ABTB2: variants seen among roughly 807,000 people sequenced by gnomAD.
ABTB2 encodes the protein ankyrin repeat and BTB domain containing 2, also known as ankyrin repeat and BTB/POZ domain-containing protein 2.
A neutral mutation model predicts 104.1 loss-of-function variants in ABTB2; 56 were observed. The ratio of observed to expected loss-of-function variants is 0.54; its 90% CI spans 0.43 to 0.67. The LOEUF is 0.67. Ranked by LOEUF, ABTB2 falls within the 30% of genes least tolerant of loss-of-function variation. The probability of loss-of-function intolerance (pLI) is 0.00; values close to 1 mark genes in which losing one functional copy is unlikely to be tolerated. For synonymous variants in ABTB2, 606 were observed against 608.2 expected (o/e 1.00, Z 0.05); for missense variants, 1,279 against 1,407.7 (o/e 0.91, Z 1.46).
chr11:34,289,550 G>A (rs1426695939), intron 1 of ABTB2, among the ~76,000 whole-genome samples: 2 of 152,136 alleles, frequency 1.3e-5, no homozygotes. Context: ...AAGCAGCAGA[G>A]TTGGAATTTA....
chr11:34,283,075 AT>A (rs34343413), intron 1 of ABTB2, among the ~76,000 whole-genome samples: 27,594 of 139,026 alleles, frequency 0.2, 3,559 homozygotes, highest in African/African-American at 0.4. Context: ...TGCCCAGCTA[AT>A]TTTTTTTTTT....
intron 1 of ABTB2, among the ~76,000 whole-genome samples, chr11:34,248,091 T>G (rs1236171699): frequency 1.6e-5 from 2 of 124,236 alleles, no homozygotes; most frequent in Non-Finnish European, 3.2e-5. Flanking sequence ...ATCTATAATT[T>G]TTCTTAAAAA....
rs528262861 is a variant in ABTB2, at chr11:34,337,058, A to G, written c.883+19643T>C. Among the ~76,000 whole-genome samples, 3 of 152,294 alleles carry G rather than the reference A, an allele frequency of 2.0e-5. No homozygotes were observed. The South Asian group carries it at 6.2e-4, about 32-fold the overall frequency. ...GTCCAGCTTCATACCCACACCGTCA[A>G]TCACAAGGCCCTACTGCTTCTCAGT... On this transcript the variant is annotated intron_variant, in intron 1 of 16. Transcript: ENST00000435224.
Position 34,303,676 on chromosome 11 carries a change from T to C in ABTB2, c.883+53025A>G, listed in dbSNP as rs886809811. 2.9e-5 allele frequency among the ~76,000 whole-genome samples: 4 copies of C among 137,998 alleles called. No individual in the cohort carries two copies. In the South Asian group the frequency reaches 7.2e-4, roughly 25 times the overall value. The allele number at this position is 137,998 out of a possible 152,430, so 90.5% of individuals were successfully genotyped here. A position where few individuals can be genotyped will look rare whatever the true frequency, so the allele number is the denominator to read the frequency against. On this transcript the variant is annotated intron_variant, in intron 1 of 16. Transcript: ENST00000435224. ...TTTTTTTTTTGAGACAGAGTCTCGC[T>C]CTGTAGGCCAGGCTGGAGTGCAGTG...
intron 1 of ABTB2, among the ~76,000 whole-genome samples, chr11:34,213,952 C>T (rs1355543971): frequency 6.6e-6 from 1 of 152,094 alleles, no homozygotes; most frequent in Non-Finnish European, 1.5e-5. Context: ...ATTGATGTAA[C>T]ACATGAAGAA....
chr11:34,266,776 C>A (rs555151042), intron 1 of ABTB2, among the ~76,000 whole-genome samples: 3 of 152,228 alleles, frequency 2.0e-5, no homozygotes, highest in Admixed American at 6.5e-5. Flanking sequence ...CCCCCTCCCC[C>A]ACCCCCTGTG....
At chr11:34,182,503 G>GGGGGC (rs1565134538) in intron 3 of ABTB2, among the ~76,000 whole-genome samples, 1 of 139,770 alleles carries the variant, frequency 7.2e-6, no homozygotes, top group African/African-American at 2.7e-5. Flanking sequence ...TCTCTGGGGG[G>GGGGGC]GGGGGGAAAT....
intron 1 of ABTB2, among the ~76,000 whole-genome samples, chr11:34,337,232 C>CCT (rs1042603321): frequency 1.1e-4 from 16 of 152,338 alleles, no homozygotes; most frequent in African/African-American, 3.8e-4. Flanking sequence ...CGATTCTGCG[C>CCT]CTGTCTGGGG....
At chr11:34,336,505 T>C (rs888514307) in intron 1 of ABTB2, among the ~76,000 whole-genome samples, 3 of 152,000 alleles carry the variant, frequency 2.0e-5, no homozygotes, top group African/African-American at 7.3e-5. Flanking sequence ...TATCTGGGTG[T>C]GGTGACTTGT....
At position 34,161,004 on chromosome 11, in the gene ABTB2, T is replaced by G. The variant is rs761069466; in HGVS notation, c.2296A>C (p.Ser766Arg). Reference protein sequence around the residue: ...FSQSRYSVVQSLLRDFSSIRE... With the variant: ...FSQSRYSVVQRLLRDFSSIRE... Reference sequence around the variant, plus strand: ...ATGGAGCTGAAGTCCCGCAGGAGGCTCTGCACCACCGAGTACCGCGACTGC... The same window carrying G: ...ATGGAGCTGAAGTCCCGCAGGAGGCGCTGCACCACCGAGTACCGCGACTGC... The change falls in exon 11 of 17, where the codon AGC becomes CGC. Residue 766 changes from serine to arginine, a missense_variant. Physicochemically the swap from Ser to Arg is moderately radical, Grantham distance 110 (BLOSUM62 -1). Transcript: ENST00000435224. 1 of 1,613,686 alleles carries G rather than the reference T, an allele frequency of 6.2e-7. No homozygotes were observed. Among genetic ancestry groups the G allele is most frequent in the South Asian group, 1.1e-5 (1 of 91,060 alleles).
Position 34,197,355 on chromosome 11 carries a change from T to C in ABTB2, c.1214A>G (p.Asp405Gly). ...ATTGTTCAAGGTCATTCTCGGGGGG[T>C]CCAGGTTGGGGTTCTCCATGGACTC... ...QMESMENPNLDPPRMTLNNER... is the reference protein window; with the variant it reads ...QMESMENPNLGPPRMTLNNER... Residue 405 changes from aspartate (D) to glycine (G), a missense_variant, in exon 3 of 17, where the codon GAC becomes GGC. Physicochemically the swap from Asp to Gly is moderately conservative, Grantham distance 94. Transcript: ENST00000435224. 1.9e-6 allele frequency: 3 copies of C among 1,613,604 alleles called. No homozygotes were observed. Among genetic ancestry groups the C allele is most frequent in the Non-Finnish European group, 2.5e-6 (3 of 1,179,904 alleles).
In ABTB2 at chr11:34,227,718, G is replaced by A. The variant is rs2473899; in HGVS notation, c.884-23028C>T. 6.0e-3 allele frequency among the ~76,000 whole-genome samples: 910 copies of A among 152,140 alleles called. 10 individuals carry two copies. Among genetic ancestry groups the A allele is most frequent in the African/African-American group, 0.02 (845 of 41,520 alleles). The stretch of plus-strand genomic sequence containing the variant: ...GGAACTGCTGGGTTGTGTGGTAATT[G>A]TAACTTTTTTTTTCTTCTTTTTTTT... On this transcript the variant is annotated intron_variant, in intron 1 of 16. Transcript: ENST00000435224.
intron 1 of ABTB2, among the ~76,000 whole-genome samples, chr11:34,236,880 C>T (rs1308727096): frequency 5.9e-5 from 9 of 152,318 alleles, no homozygotes; most frequent in South Asian, 4.1e-4. Flanking sequence ...CTCAGGGATT[C>T]GGACTCTATT....
chr11:34,182,507 G>GGGGT (rs1565134561), intron 3 of ABTB2, among the ~76,000 whole-genome samples: 2 of 137,526 alleles, frequency 1.5e-5, no homozygotes, highest in African/African-American at 5.7e-5. Context: ...TGGGGGGGGG[G>GGGGT]GGAAATTCAC....
chr11:34,220,579 G>T lies in ABTB2; in HGVS notation c.884-15889C>A, dbSNP rs76414408. 6.2e-3 allele frequency among the ~76,000 whole-genome samples: 946 copies of T among 152,348 alleles called. 12 individuals are homozygous for T. Among genetic ancestry groups the T allele is most frequent in the African/African-American group, 0.021 (872 of 41,578 alleles). On this transcript the variant is annotated intron_variant, in intron 1 of 16. Transcript: ENST00000435224. Reference sequence around the variant, plus strand: ...GCAGGACCCTGCTACGGCTGAAGCTGTTCTCAGAGAGTGGGGCCAGAGCCA... The same window carrying T: ...GCAGGACCCTGCTACGGCTGAAGCTTTTCTCAGAGAGTGGGGCCAGAGCCA...
At chr11:34,325,419 C>T (rs1018198928) in intron 1 of ABTB2, among the ~76,000 whole-genome samples, 3 of 152,154 alleles carry the variant, frequency 2.0e-5, no homozygotes, top group South Asian at 2.1e-4. Flanking sequence ...CTGCTGCCGA[C>T]GTGACCTTAG....
intron 7 of ABTB2, 74 bp from the exon 8 acceptor site, chr11:34,165,430 G>A (rs922045205): frequency 4.7e-6 from 6 of 1,282,930 alleles, no homozygotes; most frequent in East Asian, 2.5e-5. Flanking sequence ...GGGTGCTTTC[G>A]GGGACAGGGC....
intron 1 of ABTB2, among the ~76,000 whole-genome samples, chr11:34,297,796 G>GAAAAAAAAAAAAAAACAAAT (rs1554923796): frequency 8.1e-6 from 1 of 123,072 alleles, no homozygotes; most frequent in African/African-American, 3.2e-5. Context: ...AAAAATAAAG[G>GAAAAAAAAAAAAAAACAAAT]AAAGAAAAAG....
intron 3 of ABTB2, among the ~76,000 whole-genome samples, chr11:34,192,259 C>T (rs1338984920): frequency 6.6e-6 from 1 of 152,176 alleles, no homozygotes; most frequent in African/African-American, 2.4e-5. Flanking sequence ...TGCCACTGCA[C>T]TCCAGCCTGG....
Sources: allele counts gnomAD v4.1 joint callset (sites outside exome capture counted in the v4.1 genomes callset), GRCh38; gene constraint gnomAD v4.1.1; transcripts MANE v1.5; gene names NCBI Gene and HGNC (gene_info 2026-07-23, HGNC 2026-07-21).